CEP83: variants seen among roughly 807,000 people sequenced by gnomAD.
CEP83 encodes the protein centrosomal protein 83.
CEP83 carries 70 observed loss-of-function variants against 101.9 expected under a neutral mutation model. The observed-to-expected ratio is 0.69, with a 90% CI of 0.57 to 0.84. The LOEUF (loss-of-function observed/expected upper bound fraction) is 0.84, where lower values mean the gene tolerates loss of function less well. CEP83 is among the 40% of genes least tolerant of loss of function. The pLI is 0.00. For synonymous variants in CEP83, 264 were observed against 267.9 expected, an observed-to-expected ratio of 0.99 and a Z score of 0.14; for missense variants, 715 against 787.2, an observed-to-expected ratio of 0.91 and a Z score of 1.10.
intron 7 of CEP83, among the ~76,000 whole-genome samples, chr12:94,377,737 G>T (rs2061625567): frequency 1.3e-5 from 2 of 152,080 alleles, no homozygotes. Context: ...GACCTCAATG[G>T]AAAGTTTCAC....
At chr12:94,357,892 G>C (rs1015502551) in intron 11 of CEP83, among the ~76,000 whole-genome samples, 71 of 152,108 alleles carry the variant, frequency 4.7e-4, no homozygotes, top group African/African-American at 1.6e-3. Flanking sequence ...TGTGGGAATG[G>C]GAAAAAGTGA....
In CEP83 at chr12:94,340,207, T is replaced by C. The variant is rs952702948; in HGVS notation, c.1344-4543A>G. ...ATGCAAAAAATAAATTAAGGGGGTA[T>C]TGACTACAGGATATCATAAATGTTC... On this transcript the variant is annotated intron_variant, in intron 11 of 16. Coordinates refer to ENST00000397809, the MANE Select transcript of CEP83 (RefSeq NM_016122.3). 6.6e-5 allele frequency among the ~76,000 whole-genome samples: 10 copies of C among 152,326 alleles called. No individual in the cohort carries two copies. In the South Asian group the frequency reaches 1.7e-3, roughly 25 times the overall value.
chr12:94,393,347 G>A (rs989611001), intron 6 of CEP83, among the ~76,000 whole-genome samples: 1 of 152,092 alleles, frequency 6.6e-6, no homozygotes, highest in African/African-American at 2.4e-5. Flanking sequence ...ACATAATCCA[G>A]CATATAAACA....
intron 8 of CEP83, among the ~76,000 whole-genome samples, chr12:94,371,745 G>T (rs149686793): frequency 4.5e-4 from 69 of 152,270 alleles, no homozygotes; most frequent in African/African-American, 1.6e-3. Context: ...AAGAGGGCAA[G>T]GATAAGAAAT....
chr12:94,321,496 G>A (rs1359039211), intron 14 of CEP83, among the ~76,000 whole-genome samples: 1 of 152,146 alleles, frequency 6.6e-6, no homozygotes. Flanking sequence ...ATCTCTGCGT[G>A]GGGGTGTTCC....
chr12:94,287,015 C>T, the CEP83 span, among the ~76,000 whole-genome samples: 1 of 152,208 alleles, frequency 6.6e-6, no homozygotes, highest in East Asian at 1.9e-4. Context: ...CCCCCAGCAC[C>T]GGGGAATTGC....
Position 94,307,974 on chromosome 12 carries a change from T to G in CEP83, c.*839A>C, listed in dbSNP as rs548734617. The G allele has an allele frequency of 6.6e-6, 1 of 152,160 alleles. No individual in the cohort carries two copies. 9.4% of individuals were successfully genotyped at this position (152,160 alleles called of 1,614,324 possible). A position where few individuals can be genotyped will look rare whatever the true frequency, so the allele number is the denominator to read the frequency against. On this transcript the variant is annotated 3_prime_UTR_variant, in exon 17 of 17. Transcript: ENST00000397809. ...TTAACATGAAATTATTCCAGCAGAA[T>G]TCCTCTAAAAGATGTCACATTAAAA...
intron 6 of CEP83, among the ~76,000 whole-genome samples, chr12:94,388,180 G>C (rs1006283233): frequency 3.3e-5 from 5 of 152,162 alleles, no homozygotes; most frequent in Non-Finnish European, 5.9e-5. Context: ...ATCAACCTGG[G>C]TTCCCATCAA....
chr12:94,353,933 A>G (rs2060320172), intron 11 of CEP83, among the ~76,000 whole-genome samples: 1 of 152,176 alleles, frequency 6.6e-6, no homozygotes, highest in African/African-American at 2.4e-5. Flanking sequence ...CAATTCAGCA[A>G]GAGGATTAGC....
At chr12:94,431,592 C>T (rs1252520208) in intron 2 of CEP83, among the ~76,000 whole-genome samples, 3 of 147,228 alleles carry the variant, frequency 2.0e-5, no homozygotes, top group Non-Finnish European at 3.0e-5. Context: ...CAAAACTTAA[C>T]GGTAAAAAAA....
chr12:94,315,253 C>T (rs1266743153), intron 14 of CEP83, among the ~76,000 whole-genome samples: 2 of 152,098 alleles, frequency 1.3e-5, no homozygotes, highest in African/African-American at 2.4e-5. Context: ...TTGGTATGGT[C>T]GGTCTTTTAG....
intron 14 of CEP83, among the ~76,000 whole-genome samples, chr12:94,320,294 C>T (rs2058693355): frequency 6.6e-6 from 1 of 152,044 alleles, no homozygotes. Flanking sequence ...CTTTTTTATC[C>T]AGCTTGCCAC....
chr12:94,342,550 T>C (rs371215268), intron 11 of CEP83, among the ~76,000 whole-genome samples: 1 of 152,168 alleles, frequency 6.6e-6, no homozygotes, highest in Non-Finnish European at 1.5e-5. Context: ...CGCCTGCACA[T>C]CTTTGCAGGC....
intron 1 of CEP83, among the ~76,000 whole-genome samples, chr12:94,457,312 A>G (rs2067756827): frequency 6.6e-6 from 1 of 152,246 alleles, no homozygotes; most frequent in Non-Finnish European, 1.5e-5. Context: ...CTAAAAGCAC[A>G]TAGGTTAAAC....
the CEP83 span, chr12:94,297,461 A>AG: frequency 5.9e-6 from 8 of 1,349,474 alleles, no homozygotes; most frequent in South Asian, 1.2e-5. Context: ...ATGGCTACCT[A>AG]GGGGGTGTAT....
the CEP83 span, among the ~76,000 whole-genome samples, chr12:94,286,469 T>G: frequency 6.6e-6 from 1 of 152,134 alleles, no homozygotes. Flanking sequence ...TTGACAGGGC[T>G]GGGCTGAAGT....
intron 14 of CEP83, chr12:94,328,342 T>C (rs1291436056): frequency 1.4e-5 from 4 of 287,080 alleles, no homozygotes; most frequent in Non-Finnish European, 1.4e-5. Context: ...CAAAACATCA[T>C]TTACACCAAA....
chr12:94,274,768 C>T, the CEP83 span, among the ~76,000 whole-genome samples: 1 of 152,172 alleles, frequency 6.6e-6, no homozygotes, highest in South Asian at 2.1e-4. Flanking sequence ...CTTGAGTACC[C>T]GGTTCTACCA....
chr12:94,376,895 G>A (rs2061583402), intron 7 of CEP83, among the ~76,000 whole-genome samples: 1 of 151,544 alleles, frequency 6.6e-6, no homozygotes, highest in African/African-American at 2.4e-5. Flanking sequence ...GCACACCATG[G>A]CACCTGGCTA....
Sources: gnomAD v4.1 joint callset for allele counts (sites outside exome capture counted in the v4.1 genomes callset) on GRCh38, gnomAD v4.1.1 for gene constraint, MANE v1.5 for transcripts, NCBI Gene and HGNC (gene_info 2026-07-23, HGNC 2026-07-21) for gene names.